CELF1: variants seen among roughly 807,000 people sequenced by gnomAD.
CELF1 encodes the protein CUGBP Elav-like family member 1, also known as 50 kDa nuclear polyadenylated RNA-binding protein.
Under a neutral mutation model 61.8 loss-of-function variants are expected in CELF1, and 10 were observed. The observed-to-expected ratio is 0.16, with a 90% CI of 0.10 to 0.27. The LOEUF is 0.27. CELF1 is among the 10% of genes least tolerant of loss of function. The probability of loss-of-function intolerance (pLI) is 1.00; values close to 1 mark genes in which losing one functional copy is unlikely to be tolerated. For synonymous variants in CELF1, 236 were observed against 225.1 expected (o/e 1.05, Z -0.43); for missense variants, 380 against 639.1 (o/e 0.59, Z 4.37).
At chr11:47,483,877 T>G (rs1404639394) in intron 7 of CELF1, among the ~76,000 whole-genome samples, 1 of 152,086 alleles carries the variant, frequency 6.6e-6, no homozygotes, top group Non-Finnish European at 1.5e-5. Flanking sequence ...AAATATAGAA[T>G]GTAGACTCCT....
chr11:47,495,604 C>T (rs1292081188), intron 3 of CELF1, among the ~76,000 whole-genome samples: 1 of 152,150 alleles, frequency 6.6e-6, no homozygotes, highest in Admixed American at 6.6e-5. Context: ...GAAGAAAAGT[C>T]ATGTTGCAAC....
chr11:47,541,684 G>GTT (rs1555190309), intron 1 of CELF1, among the ~76,000 whole-genome samples: 1 of 102,138 alleles, frequency 9.8e-6, no homozygotes. Flanking sequence ...GGGCGAGACT[G>GTT]TCAAAGAAAG....
intron 12 of CELF1, among the ~76,000 whole-genome samples, chr11:47,475,741 T>C (rs2079763410): frequency 6.6e-6 from 1 of 152,188 alleles, no homozygotes; most frequent in Non-Finnish European, 1.5e-5. Context: ...GCGGGTGTTG[T>C]GCTCCCCATT....
intron 10 of CELF1, among the ~76,000 whole-genome samples, 185 bp downstream of exon 10, chr11:47,478,692 C>T (rs1030720048): frequency 6.6e-6 from 1 of 152,198 alleles, no homozygotes; most frequent in Non-Finnish European, 1.5e-5. Context: ...AATGTGGCAT[C>T]AACTAGCCAT....
At chr11:47,548,428 G>GTGT in intron 1 of CELF1, among the ~76,000 whole-genome samples, 1 of 152,236 alleles carries the variant, frequency 6.6e-6, no homozygotes, top group East Asian at 1.9e-4. Flanking sequence ...AAGTGCGCAG[G>GTGT]CAACAAAACC....
chr11:47,475,214 G>T, intron 13 of CELF1, 122 bp downstream of exon 13: 2 of 863,948 alleles, frequency 2.3e-6, no homozygotes, highest in Non-Finnish European at 3.7e-6. Flanking sequence ...ACTTGACACT[G>T]TCAAAGAAAA....
Position 47,482,791 on chromosome 11 carries a change from C to G in CELF1, c.672G>C (p.Met224Ile). Residue 224 changes from methionine to isoleucine, a missense_variant, in exon 9 of 15, where the codon ATG becomes ATC. Transcript: ENST00000687097. ...GCATCTGCTGCTGGAGCTGCTGGGCCATTCTCTTCTGTTCTTTGTCCTTCT... is the reference window on the plus strand; with the variant it reads ...GCATCTGCTGCTGGAGCTGCTGGGCGATTCTCTTCTGTTCTTTGTCCTTCT... ...DTQKDKEQKR[M>I]AQQLQQQMQQ... 6.2e-7 allele frequency: 1 copy of G among 1,614,142 alleles called. No individual in the cohort carries two copies. Among genetic ancestry groups the G allele is most frequent in the Non-Finnish European group, 8.5e-7 (1 of 1,180,010 alleles).
intron 1 of CELF1, among the ~76,000 whole-genome samples, chr11:47,550,717 T>C (rs2097116966): frequency 6.6e-6 from 1 of 152,072 alleles, no homozygotes; most frequent in Non-Finnish European, 1.5e-5. Flanking sequence ...ATCTGTAACT[T>C]CTGTATTAAG....
At chr11:47,473,428 A>G (rs2078550757) in intron 13 of CELF1, among the ~76,000 whole-genome samples, 197 bp from the exon 14 acceptor site, 1 of 152,220 alleles carries the variant, frequency 6.6e-6, no homozygotes, top group South Asian at 2.1e-4. Flanking sequence ...CTTCCCTCAC[A>G]TTCAGCCAAG....
chr11:47,564,171 CAAAAAAAAAA>C lies in CELF1; in HGVS notation c.-11+170_-11+179del, dbSNP rs779009192. Among the ~76,000 whole-genome samples the C allele has an allele frequency of 1.7e-3, 106 of 62,944 alleles. 1 individual carries two copies. The Middle Eastern group carries it at 0.037, about 22-fold the overall frequency. The allele number at this position is 62,944 out of a possible 152,430, so 41.3% of individuals were successfully genotyped here. ...TGAAACCCCATCTCTACTAAAAATA[CAAAAAAAAAA>C]AAAAAAAAAAAAAGAAAGCCGGGCG... On this transcript the variant is annotated intron_variant, in intron 2 of 3. Transcript: ENST00000525841.
chr11:47,550,700 ATAG>A (rs2097116451), intron 1 of CELF1, among the ~76,000 whole-genome samples: 1 of 151,064 alleles, frequency 6.6e-6, no homozygotes, highest in Non-Finnish European at 1.5e-5. Context: ...TTTTTTTTTT[ATAG>A]TGAATCTGTA....
chr11:47,506,074 A>T (rs115032584), intron 1 of CELF1, among the ~76,000 whole-genome samples: 2,026 of 151,178 alleles, frequency 0.013, 56 homozygotes, highest in African/African-American at 0.046. Flanking sequence ...CCACACTGGA[A>T]GAGGAATTGT....
chr11:47,520,488 C>T (rs1342415272), intron 1 of CELF1, among the ~76,000 whole-genome samples: 1 of 152,102 alleles, frequency 6.6e-6, no homozygotes, highest in Non-Finnish European at 1.5e-5. Context: ...AAGGGCATCT[C>T]CGGAAGATGT....
chr11:47,476,293 C>A (rs1307856237), intron 12 of CELF1, among the ~76,000 whole-genome samples: 1 of 152,170 alleles, frequency 6.6e-6, no homozygotes, highest in East Asian at 1.9e-4. Context: ...TACCTGGCCT[C>A]ATTTAATTTT....
rs1041970363 is a variant in CELF1 at position 47,525,928 on chromosome 11, C to CA, written c.-153-24997dup. On this transcript the variant is annotated intron_variant, in intron 1 of 14. Transcript: ENST00000687097. ...GAACCCGTCTCTATCCACAAACAAA[C>CA]AAAAAAACAAACAAAAAAAAAAAAG... Among the ~76,000 whole-genome samples, 36 of 55,030 alleles carry CA rather than the reference C, an allele frequency of 6.5e-4. 1 individual carries two copies. Among genetic ancestry groups the CA allele is most frequent in the Non-Finnish European group, 1.2e-4 (3 of 25,238 alleles). 36.1% of individuals were successfully genotyped at this position (55,030 alleles called of 152,430 possible).
intron 10 of CELF1, among the ~76,000 whole-genome samples, chr11:47,478,628 A>G (rs1565755840): frequency 6.6e-6 from 1 of 152,168 alleles, no homozygotes; most frequent in East Asian, 1.9e-4. Flanking sequence ...CCTTTTCCAT[A>G]TTCTTCTTCA....
chr11:47,475,197 A>G (rs1411358713), intron 13 of CELF1, 139 bp downstream of exon 13: 2 of 715,694 alleles, frequency 2.8e-6, no homozygotes, highest in South Asian at 1.9e-5. Flanking sequence ...AGGGTTTCTC[A>G]GTCTACACTT....
At position 47,477,373 on chromosome 11, in the gene CELF1, A is replaced by G. The variant is rs921572766; in HGVS notation, c.897T>C (p.Ser299=). The G allele has an allele frequency of 2.5e-6, 4 of 1,613,408 alleles. No individual in the cohort carries two copies. Among genetic ancestry groups the G allele is most frequent in the Admixed American group, 3.3e-5 (2 of 59,998 alleles). ...QNLAALAAAA[S]AAQNTPSGTN... is the part of the protein sequence containing the mutation. ...TACCACTTGGTGTGTTCTGAGCTGC[A>G]CTAGCTGCAGCAGCTAGTGCAGCCA... The change falls in exon 11 of 15, where the codon AGT becomes AGC. Residue 299 remains serine (S), a synonymous_variant. Coordinates refer to ENST00000687097, the MANE Select transcript of CELF1 (RefSeq NM_001376376.1).
At chr11:47,480,113 G>GTTTTTT in intron 9 of CELF1, among the ~76,000 whole-genome samples, 1 of 144,016 alleles carries the variant, frequency 6.9e-6, no homozygotes, top group Non-Finnish European at 1.5e-5. Context: ...TTTTTGAGAC[G>GTTTTTT]GAGTCTCGCT....
Sources: allele counts gnomAD v4.1 joint callset (sites outside exome capture counted in the v4.1 genomes callset), GRCh38; gene constraint gnomAD v4.1.1; transcripts MANE v1.5; gene names NCBI Gene and HGNC (gene_info 2026-07-23, HGNC 2026-07-21).